PCDHAC2: variants seen among roughly 807,000 people sequenced by gnomAD.
The protein encoded by PCDHAC2 is protocadherin alpha subfamily C, 2.
PCDHAC2 carries 24 observed loss-of-function variants against 63.3 expected under a neutral mutation model. The ratio of observed to expected loss-of-function variants is 0.38; its 90% CI spans 0.27 to 0.53. PCDHAC2 has a LOEUF of 0.53. PCDHAC2 is among the 20% of genes least tolerant of loss of function. The pLI is 0.81. For synonymous variants in PCDHAC2, 569 were observed against 529.4 expected, an observed-to-expected ratio of 1.07 and a Z score of -1.03; for missense variants, 1,181 against 1,275.2, an observed-to-expected ratio of 0.93 and a Z score of 1.12.
chr5:140,967,565 C>A lies in PCDHAC2; in HGVS notation c.799C>A (p.Arg267=). 6.2e-7 allele frequency: 1 copy of A among 1,614,080 alleles called. No homozygotes were observed. The highest frequency in any genetic ancestry group is 8.5e-7 in the Non-Finnish European group (1 of 1,180,018). Residue 267 remains arginine, a synonymous_variant, in exon 1 of 4, where the codon CGG becomes AGG. Transcript: ENST00000289269. ...CCAGTCCACTTATCGCGTCCAGCTACGGGAGGACTCACCCCCAGGCACATT... is the reference window on the plus strand; with the variant it reads ...CCAGTCCACTTATCGCGTCCAGCTAAGGGAGGACTCACCCCCAGGCACATT... ...FDQSTYRVQL[R]EDSPPGTLVV...
chr5:140,991,570 C>T (rs1554252306), intron 3 of PCDHAC2, among the ~76,000 whole-genome samples: 1 of 152,220 alleles, frequency 6.6e-6, no homozygotes, highest in Non-Finnish European at 1.5e-5. Context: ...TTTCCAATAA[C>T]AGGCTCCTTA....
intron 3 of PCDHAC2, among the ~76,000 whole-genome samples, chr5:140,986,945 C>G (rs1295830111): frequency 1.3e-5 from 2 of 151,946 alleles, no homozygotes; most frequent in Non-Finnish European, 2.9e-5. Context: ...TGGGTGTGGT[C>G]GCTCATGCCT....
At position 140,967,057 on chromosome 5, in the gene PCDHAC2, AGC is replaced by A; in HGVS notation, c.294_295del (p.Phe100ArgfsTer6). Reference sequence around the variant, plus strand: ...ACCTGGAGCTGGACCTGACGAGTGGAGCGCTCTTCGTCAACGAGCGCATTGAT... The same window carrying A: ...ACCTGGAGCTGGACCTGACGAGTGGAGCTCTTCGTCAACGAGCGCATTGAT... The part of the protein sequence containing the change: ...RYLELDLTSG[A>X]LFVNERIDRE... On this transcript the variant is annotated frameshift_variant, in exon 1 of 4. Transcript: ENST00000289269. LOFTEE classifies it high-confidence loss of function. 6.2e-7 allele frequency: 1 copy of A among 1,612,704 alleles called. No individual in the cohort carries two copies. Among genetic ancestry groups the A allele is most frequent in the Non-Finnish European group, 8.5e-7 (1 of 1,179,642 alleles).
In PCDHAC2 at chr5:141,009,668, G is replaced by A. The variant is rs782068657; in HGVS notation, c.2755G>A (p.Val919Ile). The change falls in exon 4 of 4, where the codon GTC becomes ATC. Residue 919 changes from valine (V) to isoleucine (I), a missense_variant. Around this residue, in one of 3 missense-constraint regions of PCDHAC2, gnomAD observed 968 missense variants for 1,073.5 expected, o/e 0.90. Transcript: ENST00000289269. ...AGTGTCCCCTCCAGTCGGTGCGGGTGTCAACAGCAACAGCTGGACCTTTAA... is the reference window on the plus strand; with the variant it reads ...AGTGTCCCCTCCAGTCGGTGCGGGTATCAACAGCAACAGCTGGACCTTTAA... ...GEVSPPVGAG[V>I]NSNSWTFKYG... The A allele has an allele frequency of 1.2e-6, 2 of 1,614,108 alleles. No individual in the cohort carries two copies. Among genetic ancestry groups the A allele is most frequent in the Non-Finnish European group, 1.7e-6 (2 of 1,180,018 alleles).
At chr5:140,988,989 G>C (rs981946293) in intron 3 of PCDHAC2, 1 of 152,184 alleles carries the variant, frequency 6.6e-6, no homozygotes, top group Admixed American at 6.5e-5. Flanking sequence ...CTAATGCAGG[G>C]TAAGGAAATA....
chr5:141,010,368 C>T lies in PCDHAC2; in HGVS notation c.*431C>T, dbSNP rs368481822. ...GGTATGTGTGGCTACCGCGGGTATG[C>T]GAGTGCCAGATATTGGCTGAGACGA... On this transcript the variant is annotated 3_prime_UTR_variant, in exon 4 of 4. Coordinates refer to ENST00000289269, the MANE Select transcript of PCDHAC2 (RefSeq NM_018899.6). The T allele has an allele frequency of 8.2e-6, 12 of 1,470,936 alleles. No homozygotes were observed. The East Asian group carries it at 1.7e-4, about 21-fold the overall frequency. 91.1% of individuals were successfully genotyped at this position (1,470,936 alleles called of 1,614,324 possible). A position where few individuals can be genotyped will look rare whatever the true frequency, so the allele number is the denominator to read the frequency against.
intron 1 of PCDHAC2, among the ~76,000 whole-genome samples, chr5:140,978,557 T>C (rs1262121525): frequency 6.6e-6 from 1 of 152,246 alleles, no homozygotes; most frequent in Non-Finnish European, 1.5e-5. Flanking sequence ...TGCCCTGTTA[T>C]AGCTGTAATA....
chr5:141,005,626 C>T (rs554956978), intron 3 of PCDHAC2, among the ~76,000 whole-genome samples: 5 of 136,646 alleles, frequency 3.7e-5, no homozygotes, highest in South Asian at 4.9e-4. Context: ...GGCGTGAACC[C>T]GGGAGGCGGA....
intron 3 of PCDHAC2, among the ~76,000 whole-genome samples, chr5:140,984,412 A>G (rs1189115390): frequency 5.9e-5 from 9 of 152,184 alleles, no homozygotes; most frequent in African/African-American, 2.2e-4. Flanking sequence ...TATCTTTTTT[A>G]CAGAGATAGA....
chr5:140,985,859 C>T (rs2153837183), intron 3 of PCDHAC2, among the ~76,000 whole-genome samples: 1 of 151,736 alleles, frequency 6.6e-6, no homozygotes, highest in African/African-American at 2.4e-5. Context: ...CCTGCCTCAG[C>T]CTCCTGAGTA....
chr5:140,977,872 T>A (rs1554238851), intron 1 of PCDHAC2, among the ~76,000 whole-genome samples: 1 of 152,258 alleles, frequency 6.6e-6, no homozygotes, highest in African/African-American at 2.4e-5. Flanking sequence ...ATGGTAAGTA[T>A]AATGTAGAGG....
chr5:140,967,751 T>G lies in PCDHAC2; in HGVS notation c.985T>G (p.Ser329Ala). Residue 329 changes from serine to alanine, a missense_variant, in exon 1 of 4, where the codon TCC (serine) becomes GCC (alanine). This residue lies in a region of PCDHAC2 where 968 missense variants were observed against 1,073.5 expected (regional missense o/e 0.90). Coordinates refer to ENST00000289269, the MANE Select transcript of PCDHAC2 (RefSeq NM_018899.6). ...VIGGLDYEEA[S>A]SYQIYVQATD... ...TGGGGGGCTGGATTATGAGGAAGCCTCCTCCTACCAGATCTATGTGCAGGC... is the reference window on the plus strand; with the variant it reads ...TGGGGGGCTGGATTATGAGGAAGCCGCCTCCTACCAGATCTATGTGCAGGC... The G allele has an allele frequency of 6.2e-7, 1 of 1,614,138 alleles. No individual in the cohort carries two copies. The highest frequency in any genetic ancestry group is 1.3e-5 in the African/African-American group (1 of 75,048).
intron 3 of PCDHAC2, among the ~76,000 whole-genome samples, chr5:141,002,367 A>T (rs2098076282): frequency 6.6e-6 from 1 of 152,248 alleles, no homozygotes; most frequent in African/African-American, 2.4e-5. Context: ...CTTTCAACTC[A>T]TTCTGGCTTA....
chr5:140,966,934 G>T lies in PCDHAC2; in HGVS notation c.168G>T (p.Ala56=). ...TGCCAGAGGAGCAGGCACCCGGCGC[G>T]CTCGTGGGCAACGTGGCTCGCGCGC... The part of the protein sequence containing the change: ...YSVPEEQAPG[A]LVGNVARALG... Residue 56 remains alanine (A), a synonymous_variant, in exon 1 of 4, where the codon GCG becomes GCT. Transcript: ENST00000289269. 6.2e-7 allele frequency: 1 copy of T among 1,604,080 alleles called. No homozygotes were observed. The highest frequency in any genetic ancestry group is 8.5e-7 in the Non-Finnish European group (1 of 1,178,574).
chr5:140,968,757 A>T lies in PCDHAC2; in HGVS notation c.1991A>T (p.Asp664Val). 1 of 1,614,204 alleles carries T rather than the reference A, an allele frequency of 6.2e-7. No individual in the cohort carries two copies. The highest frequency in any genetic ancestry group is 8.5e-7 in the Non-Finnish European group (1 of 1,180,048). The part of the protein sequence containing the change: ...STFNLTVVVR[D>V]NGEPSLSASV... ...TTCAACCTGACCGTGGTGGTCCGAG[A>T]TAATGGAGAGCCATCACTATCAGCC... Residue 664 changes from aspartate to valine, a missense_variant, in exon 1 of 4, where the codon GAT becomes GTT. Around this residue, in one of 3 missense-constraint regions of PCDHAC2, gnomAD observed 968 missense variants for 1,073.5 expected, o/e 0.90. Coordinates refer to ENST00000289269, the MANE Select transcript of PCDHAC2 (RefSeq NM_018899.6).
chr5:140,969,803 T>G, intron 1 of PCDHAC2, among the ~76,000 whole-genome samples: 1 of 152,248 alleles, frequency 6.6e-6, no homozygotes, highest in South Asian at 2.1e-4. Context: ...ATCTGCTGTC[T>G]CTGTTTATAC....
chr5:140,980,015 G>A (rs1164072132), intron 2 of PCDHAC2, among the ~76,000 whole-genome samples: 2 of 152,192 alleles, frequency 1.3e-5, no homozygotes, highest in East Asian at 3.9e-4. Flanking sequence ...CATTACAAAT[G>A]AGCAGAAATC....
chr5:140,996,172 C>G (rs1694773459), intron 3 of PCDHAC2, among the ~76,000 whole-genome samples: 1 of 152,210 alleles, frequency 6.6e-6, no homozygotes, highest in African/African-American at 2.4e-5. Flanking sequence ...AATGTGCTGA[C>G]AGCACCTCCA....
At chr5:140,990,541 A>T (rs868916666) in intron 3 of PCDHAC2, among the ~76,000 whole-genome samples, 1 of 152,210 alleles carries the variant, frequency 6.6e-6, no homozygotes, top group Admixed American at 6.5e-5. Context: ...CATCATAGAT[A>T]CTGTATTACC....
Sources: gnomAD v4.1 joint callset for allele counts (sites outside exome capture counted in the v4.1 genomes callset) on GRCh38, gnomAD v4.1.1 for gene constraint, gnomAD v4.1.1 regional missense constraint, MANE v1.5 for transcripts, NCBI Gene and HGNC (gene_info 2026-07-23, HGNC 2026-07-21) for gene names.